C7: variants seen among roughly 807,000 people sequenced by gnomAD.
The protein encoded by C7 is complement C7, also known as complement component C7.
Under a neutral mutation model 104.8 loss-of-function variants are expected in C7, and 83 were observed. The ratio of observed to expected loss-of-function variants is 0.79; its 90% CI spans 0.66 to 0.95. C7 has a LOEUF of 0.95. C7 is among the 40% of genes least tolerant of loss of function. The pLI is 0.00. For synonymous variants in C7, 415 were observed against 360.6 expected, an observed-to-expected ratio of 1.15 and a Z score of -1.71; for missense variants, 1,070 against 1,011.2, an observed-to-expected ratio of 1.06 and a Z score of -0.79.
chr5:40,931,557 AC>A (rs1360620264), intron 3 of C7, among the ~76,000 whole-genome samples: 1 of 150,652 alleles, frequency 6.6e-6, no homozygotes, highest in Non-Finnish European at 1.5e-5. Context: ...GCTTGATTTT[AC>A]TTCACAAATA....
chr5:40,947,983 G>A (rs1740088888), intron 8 of C7, 138 bp downstream of exon 8: 3 of 920,736 alleles, frequency 3.3e-6, no homozygotes, highest in Non-Finnish European at 5.1e-6. Flanking sequence ...AAAATTGCAA[G>A]AATGTATTAT....
At position 40,940,672 on chromosome 5, in the gene C7, T is replaced by G. The variant is rs1739916533; in HGVS notation, c.567+2982T>G. Among the ~76,000 whole-genome samples the G allele has an allele frequency of 2.0e-5, 3 of 152,310 alleles. No homozygotes were observed. The South Asian group carries it at 6.2e-4, about 32-fold the overall frequency. ...AAATCTACCTTGTTAAAGGAATAATTTAAATGATGGTTAAAAATATCTCAC... is the reference window on the plus strand; with the variant it reads ...AAATCTACCTTGTTAAAGGAATAATGTAAATGATGGTTAAAAATATCTCAC... On this transcript the variant is annotated intron_variant, in intron 6 of 17. Transcript: ENST00000313164.
At chr5:40,922,102 T>G (rs7721703) in intron 1 of C7, among the ~76,000 whole-genome samples, 23 of 149,820 alleles carry the variant, frequency 1.5e-4, no homozygotes, top group African/African-American at 5.4e-4. Flanking sequence ...GGAGGCCATG[T>G]GCAGTGGCTC....
intron 9 of C7, among the ~76,000 whole-genome samples, chr5:40,953,245 G>T (rs1198807160): frequency 6.6e-6 from 1 of 152,178 alleles, no homozygotes; most frequent in Non-Finnish European, 1.5e-5. Context: ...TAAAAAAATT[G>T]ATCTCATGGA....
intron 4 of C7, 41 bp from the exon 5 acceptor site, chr5:40,936,297 T>C (rs947499612): frequency 3.1e-6 from 5 of 1,608,150 alleles, no homozygotes; most frequent in Non-Finnish European, 4.3e-6. Flanking sequence ...TTTCTCCTCT[T>C]CCCTCTTTTA....
chr5:40,918,727 T>C (rs1739377536), intron 1 of C7, among the ~76,000 whole-genome samples: 1 of 149,376 alleles, frequency 6.7e-6, no homozygotes, highest in Admixed American at 6.7e-5. Flanking sequence ...GATAAAGGAG[T>C]CAACTCATCA....
At chr5:40,969,096 G>A (rs942912161) in intron 14 of C7, among the ~76,000 whole-genome samples, 12 of 151,912 alleles carry the variant, frequency 7.9e-5, no homozygotes, top group African/African-American at 2.9e-4. Context: ...TTCCATTAAT[G>A]TGGTATATTT....
At chr5:40,918,909 A>G (rs1056935929) in intron 1 of C7, among the ~76,000 whole-genome samples, 2 of 151,140 alleles carry the variant, frequency 1.3e-5, no homozygotes, top group African/African-American at 4.9e-5. Context: ...GTAAGAAAAC[A>G]TTGGATTTGA....
At chr5:40,932,009 C>T (rs11741315) in intron 3 of C7, among the ~76,000 whole-genome samples, 26,300 of 152,186 alleles carry the variant, frequency 0.17, 2,574 homozygotes, top group East Asian at 0.32. Context: ...CCACCTGCCT[C>T]GGCCTTCCAA....
At chr5:40,978,730 T>C (rs1175752835) in intron 16 of C7, among the ~76,000 whole-genome samples, 1 of 152,168 alleles carries the variant, frequency 6.6e-6, no homozygotes, top group African/African-American at 2.4e-5. Flanking sequence ...CTGTGTTGTC[T>C]AAGGTTTCAG....
intron 17 of C7, chr5:40,980,265 T>C (rs1740914105): frequency 1.2e-5 from 2 of 167,622 alleles, no homozygotes; most frequent in Non-Finnish European, 2.5e-5. Context: ...TTATATCATG[T>C]CCTTAAAAGG....
chr5:40,969,119 G>A (rs947380977), intron 14 of C7, among the ~76,000 whole-genome samples: 1 of 151,812 alleles, frequency 6.6e-6, no homozygotes, highest in African/African-American at 2.4e-5. Context: ...TATAATGAAT[G>A]AGCCTATATT....
intron 9 of C7, among the ~76,000 whole-genome samples, chr5:40,950,715 C>T (rs1740149754): frequency 1.3e-5 from 2 of 152,170 alleles, no homozygotes; most frequent in Admixed American, 6.6e-5. Context: ...CAGTGTGCAG[C>T]ACTTTTCTCC....
At chr5:40,964,637 C>T in intron 13 of C7, 104 bp from the exon 14 acceptor site, 1 of 982,474 alleles carries the variant, frequency 1.0e-6, no homozygotes, top group Non-Finnish European at 1.5e-6. Flanking sequence ...TTAAATGTAG[C>T]TTGCCTGATG....
chr5:40,946,756 G>A (rs1740058167), intron 7 of C7, among the ~76,000 whole-genome samples: 1 of 151,962 alleles, frequency 6.6e-6, no homozygotes, highest in South Asian at 2.1e-4. Context: ...TGGTCTTGGG[G>A]TTTTGGAGTT....
At chr5:40,924,210 A>G (rs942822205) in intron 1 of C7, among the ~76,000 whole-genome samples, 1 of 152,208 alleles carries the variant, frequency 6.6e-6, no homozygotes, top group Non-Finnish European at 1.5e-5. Flanking sequence ...GAAATCAGCT[A>G]CTAGAAGGAG....
intron 12 of C7, among the ~76,000 whole-genome samples, chr5:40,960,963 G>A (rs771733914): frequency 1.2e-4 from 18 of 152,116 alleles, no homozygotes; most frequent in Non-Finnish European, 2.9e-5. Context: ...CTTGTGGGAT[G>A]ATATTAGGAC....
chr5:40,930,663 A>ATTATCCATATT (rs1739661824), intron 2 of C7, among the ~76,000 whole-genome samples: 1 of 151,986 alleles, frequency 6.6e-6, no homozygotes, highest in Non-Finnish European at 1.5e-5. Flanking sequence ...CCTGGGTTCC[A>ATTATCCATATT]GTGATTCTCC....
intron 1 of C7, among the ~76,000 whole-genome samples, chr5:40,925,891 A>G (rs1277095969): frequency 1.3e-5 from 2 of 152,244 alleles, no homozygotes; most frequent in Admixed American, 1.3e-4. Flanking sequence ...AGGAGGGAAT[A>G]CTTTCAAATT....
Sources: gnomAD v4.1 joint callset for allele counts (sites outside exome capture counted in the v4.1 genomes callset) on GRCh38, gnomAD v4.1.1 for gene constraint, MANE v1.5 for transcripts, NCBI Gene and HGNC (gene_info 2026-07-23, HGNC 2026-07-21) for gene names.